The following MYH2 variants were observed in gnomAD, a reference collection of about 807,000 sequenced individuals.
MYH2 encodes myosin heavy chain 2, also known as myosin-2.
In MYH2, 139 loss-of-function variants were observed where a neutral mutation model predicts 228.1. That is an observed-to-expected ratio of 0.61 (90% CI 0.53 to 0.70). MYH2 has a LOEUF of 0.70. MYH2 is among the 30% of genes least tolerant of loss of function. The probability of loss-of-function intolerance (pLI) is 0.00; values close to 1 mark genes in which losing one functional copy is unlikely to be tolerated. For missense variants in MYH2, 1,809 were observed against 2,357.5 expected (o/e 0.77, Z 4.82); for synonymous variants, 796 against 871.1 (o/e 0.91, Z 1.52).
chr17:10,548,782 A>C (rs1293967913), intron 2 of MYH2, among the ~76,000 whole-genome samples: 1 of 152,194 alleles, frequency 6.6e-6, no homozygotes, highest in Admixed American at 6.5e-5. Flanking sequence ...CAGTGGTATC[A>C]GTAGAATGAA....
intron 12 of MYH2, among the ~76,000 whole-genome samples, 183 bp from the exon 13 acceptor site, chr17:10,539,745 A>G (rs1308995381): frequency 6.6e-6 from 1 of 152,174 alleles, no homozygotes; most frequent in African/African-American, 2.4e-5. Context: ...AAAGAACTTC[A>G]ATAATTATAG....
rs2073495468 is a variant in MYH2, at chr17:10,537,459, G to T, written c.1671C>A (p.Asp557Glu). 1 of 1,614,184 alleles carries T rather than the reference G, an allele frequency of 6.2e-7. No individual in the cohort carries two copies. The highest frequency in any genetic ancestry group is 8.5e-7 in the Non-Finnish European group (1 of 1,180,026). The change falls in exon 16 of 40, where the codon GAC (aspartate) becomes GAA (glutamate). Residue 557 changes from aspartate to glutamate, a missense_variant. Physicochemically the swap from Asp to Glu is conservative, Grantham distance 45. Transcript: ENST00000245503. The surrounding 1 kb of genome is among the most constrained non-coding windows in gnomAD (Gnocchi z 4.0). ...AGTTGGCAGACTTGCCCAGGTGCTG[G>T]TCATACAGCTTGTTCTTGAAGGAGG... is the stretch of plus-strand genomic sequence containing the variant. ...TDTSFKNKLYDQHLGKSANFQ... is the reference protein window; with the variant it reads ...TDTSFKNKLYEQHLGKSANFQ...
chr17:10,523,114 A>C lies in MYH2; in HGVS notation c.5649T>G (p.Ser1883=), dbSNP rs1431877243. ...CAGCCTCCTCAGCTTGTCTCTTATA[A>C]GATTTCACTTTTGCCTGAAGTTTAT... ...LVDKLQAKVK[S]YKRQAEEAEE... Residue 1883 remains serine (S), a synonymous_variant, in exon 39 of 40, where the codon TCT becomes TCG. Transcript: ENST00000245503. 2 of 1,613,380 alleles carry C rather than the reference A, an allele frequency of 1.2e-6. No homozygotes were observed. Among genetic ancestry groups the C allele is most frequent in the East Asian group, 2.2e-5 (1 of 44,878 alleles).
At chr17:10,532,925 G>T (rs9911143) in intron 21 of MYH2, among the ~76,000 whole-genome samples, 1 of 152,114 alleles carries the variant, frequency 6.6e-6, no homozygotes, top group Admixed American at 6.5e-5. Context: ...CTGTGTAAAA[G>T]CACTCTTGAG....
chr17:10,548,208 A>G (rs1180237207), intron 2 of MYH2, among the ~76,000 whole-genome samples: 1 of 152,182 alleles, frequency 6.6e-6, no homozygotes, highest in Non-Finnish European at 1.5e-5. Context: ...ACTGAATTAC[A>G]GTCCAGTGCT....
chr17:10,536,457 G>T, intron 17 of MYH2, 73 bp downstream of exon 17: 1 of 1,241,404 alleles, frequency 8.1e-7, no homozygotes, highest in Non-Finnish European at 1.2e-6. Flanking sequence ...AAAAATAGAA[G>T]TTCAGAAAAA....
At chr17:10,543,840 G>T in intron 7 of MYH2, 37 bp from the exon 8 acceptor site, 1 of 1,613,894 alleles carries the variant, frequency 6.2e-7, no homozygotes, top group Non-Finnish European at 8.5e-7. Flanking sequence ...TCTGGGGCTT[G>T]GGAATTTCCT....
In MYH2 at chr17:10,546,256, GATATATATATATATAT is replaced by G. The variant is rs71139049; in HGVS notation, c.349-770_349-755del. Among the ~76,000 whole-genome samples the G allele has an allele frequency of 6.8e-3, 451 of 66,136 alleles. 15 individuals carry two copies. The highest frequency in any genetic ancestry group is 0.03 in the African/African-American group (420 of 13,876). The allele number at this position is 66,136 out of a possible 152,430, so 43.4% of individuals were successfully genotyped here. A position where few individuals can be genotyped will look rare whatever the true frequency, so the allele number is the denominator to read the frequency against. ...GTTATAAGGAAACAGGACACGAAATGATATATATATATATATATATATATATATATATACATCATGA... is the reference window on the plus strand; with the variant it reads ...GTTATAAGGAAACAGGACACGAAATGATATATATATATATATACATCATGA... On this transcript the variant is annotated intron_variant, in intron 4 of 39. Transcript: ENST00000245503.
intron 10 of MYH2, among the ~76,000 whole-genome samples, chr17:10,542,442 C>T (rs2073568387): frequency 6.6e-6 from 1 of 152,124 alleles, no homozygotes; most frequent in Admixed American, 6.5e-5. Flanking sequence ...TAGAATAGAA[C>T]ACTATGCAAC....
In MYH2 at chr17:10,525,592, A is replaced by G. The variant is rs2073341413; in HGVS notation, c.4396T>C (p.Cys1466Arg). 1.2e-6 allele frequency: 2 copies of G among 1,614,196 alleles called. No individual in the cohort carries two copies. The highest frequency in any genetic ancestry group is 2.7e-5 in the African/African-American group (2 of 75,042). ...TCAAGCTCAGCATGCGTTTCCTCAC[A>G]TTTCTGTTTCCATTCTGCCAGGATC... ...DKILAEWKQKCEETHAELEAS... is the reference protein window; with the variant it reads ...DKILAEWKQKREETHAELEAS... Residue 1466 changes from cysteine to arginine, a missense_variant, in exon 32 of 40, where the codon TGT (cysteine) becomes CGT (arginine). By Grantham distance (180) the Cys-to-Arg change is radical. Transcript: ENST00000245503. The surrounding 1 kb of genome is among the most constrained non-coding windows in gnomAD (Gnocchi z 4.2).
At chr17:10,538,816 C>T (rs111561204) in intron 14 of MYH2, among the ~76,000 whole-genome samples, 495 of 152,100 alleles carry the variant, frequency 3.3e-3, no homozygotes, top group African/African-American at 0.011. Context: ...AAATATATTT[C>T]GTAATCAAAT....
In MYH2 at chr17:10,528,866, G is replaced by A. The variant is rs768899738; in HGVS notation, c.3568C>T (p.Gln1190Ter). The stretch of plus-strand genomic sequence containing the variant: ...AGGGTGGCCGCTGTGGCTTCATGCT[G>A]TAGGGTGGCCTCCTCCAGGTCCCTG... ...MRRDLEEATL[Q>*]HEATAATLRK... is the part of the protein sequence containing the mutation. Residue 1190 changes from glutamine to a stop codon, truncating the protein, a stop_gained, in exon 27 of 40, where the codon CAG becomes TAG. Transcript: ENST00000245503. LOFTEE classifies it high-confidence loss of function. The A allele has an allele frequency of 1.2e-6, 2 of 1,614,222 alleles. No individual in the cohort carries two copies. Among genetic ancestry groups the A allele is most frequent in the Admixed American group, 1.7e-5 (1 of 60,024 alleles).
At chr17:10,536,410 A>C in intron 17 of MYH2, 120 bp downstream of exon 17, 1 of 749,016 alleles carries the variant, frequency 1.3e-6, no homozygotes, top group African/African-American at 1.8e-5. Context: ...ATGTAATGTG[A>C]TATTAGTATA....
rs1567726523 is a variant in MYH2 at position 10,523,174 on chromosome 17, A to G, written c.5589T>C (p.Asp1863=). 4 of 1,613,474 alleles carry G rather than the reference A, an allele frequency of 2.5e-6. No individual in the cohort carries two copies. Among genetic ancestry groups the G allele is most frequent in the African/African-American group, 1.3e-5 (1 of 74,912 alleles). ...CTTGAAGCCTGAGAATATTCTTTCT[A>G]TCTTCTTCCGTCTGAAAGATTATAA... is the stretch of plus-strand genomic sequence containing the variant. ...VKELTYQTEE[D]RKNILRLQDL... is the part of the protein sequence containing the mutation. The change falls in exon 39 of 40, where the codon GAT becomes GAC. Residue 1863 remains aspartate (D), a synonymous_variant. Transcript: ENST00000245503.
intron 22 of MYH2, 103 bp downstream of exon 22, chr17:10,531,530 A>G: frequency 6.6e-7 from 1 of 1,518,110 alleles, no homozygotes; most frequent in Non-Finnish European, 9.1e-7. Context: ...TTTTCCTTCC[A>G]ATGAGTGTCT....
Position 10,535,185 on chromosome 17 carries a change from T to A in MYH2, c.2068A>T (p.Met690Leu). 1.2e-6 allele frequency: 2 copies of A among 1,614,134 alleles called. No individual in the cohort carries two copies. Among genetic ancestry groups the A allele is most frequent in the Non-Finnish European group, 1.7e-6 (2 of 1,180,016 alleles). ...IPNETKTPGA[M>L]EHELVLHQLR... ...TGGTGGAGGACAAGCTCATGCTCCA[T>A]GGCACCTAAAAATGCATATTTATTT... is the stretch of plus-strand genomic sequence containing the variant. The change falls in exon 19 of 40, where the codon ATG becomes TTG. Residue 690 changes from methionine (M) to leucine (L), a missense_variant. Physicochemically the swap from Met to Leu is conservative, Grantham distance 15 (BLOSUM62 2). Coordinates refer to ENST00000245503, the MANE Select transcript of MYH2 (RefSeq NM_017534.6).
intron 19 of MYH2, among the ~76,000 whole-genome samples, 190 bp from the exon 20 acceptor site, chr17:10,533,822 A>G (rs988295417): frequency 6.6e-6 from 1 of 152,134 alleles, no homozygotes; most frequent in Admixed American, 6.5e-5. Context: ...TTTCCCTCGC[A>G]GTTGCAACTT....
intron 39 of MYH2, 63 bp downstream of exon 39, chr17:10,523,027 A>T: frequency 8.4e-7 from 1 of 1,184,416 alleles, no homozygotes; most frequent in South Asian, 1.2e-5. Context: ...CAGCTTGTTC[A>T]CTACAAGAAG....
Position 10,536,577 on chromosome 17 carries a change from C to T in MYH2, c.1927G>A (p.Gly643Ser), listed in dbSNP as rs781153789. The T allele has an allele frequency of 1.2e-6, 2 of 1,613,972 alleles. No individual in the cohort carries two copies. Among genetic ancestry groups the T allele is most frequent in the Admixed American group, 1.7e-5 (1 of 59,994 alleles). ...TGGAAAGAAGAGCCCTTCTTCTTACCACCTTTCTTGGCCCCTCCACCAGCT... is the reference window on the plus strand; with the variant it reads ...TGGAAAGAAGAGCCCTTCTTCTTACTACCTTTCTTGGCCCCTCCACCAGCT... ...EGAGGGAKKG[G>S]KKKGSSFQTV... The change falls in exon 17 of 40, where the codon GGT becomes AGT. Residue 643 changes from glycine to serine, a missense_variant. Around this residue, in one of 9 missense-constraint regions of MYH2, gnomAD observed 276 missense variants for 344.2 expected, o/e 0.80. Coordinates refer to ENST00000245503, the MANE Select transcript of MYH2 (RefSeq NM_017534.6).
Sources: gnomAD v4.1 joint callset for allele counts (sites outside exome capture counted in the v4.1 genomes callset) on GRCh38, gnomAD v4.1.1 for gene constraint, gnomAD v4.1.1 regional missense constraint, Gnocchi (gnomAD v3.1) non-coding constraint, MANE v1.5 for transcripts, NCBI Gene and HGNC (gene_info 2026-07-23, HGNC 2026-07-21) for gene names.